The following KHDRBS2 variants were observed in gnomAD, a reference collection of about 807,000 sequenced individuals.
KHDRBS2 encodes the protein KH domain-containing, RNA-binding, signal transduction-associated protein 2.
KHDRBS2 carries 26 observed loss-of-function variants against 44.3 expected under a neutral mutation model. The observed-to-expected ratio is 0.59, with a 90% CI of 0.43 to 0.81. The LOEUF (loss-of-function observed/expected upper bound fraction) is 0.81. Ranked by LOEUF, KHDRBS2 falls within the 40% of genes least tolerant of loss-of-function variation. The pLI, the probability that KHDRBS2 is intolerant of heterozygous loss-of-function variation, is 0.00. For missense variants in KHDRBS2, 476 were observed against 433.1 expected (o/e 1.10, Z -0.88); for synonymous variants, 194 against 151.1 (o/e 1.28, Z -2.08).
intron 3 of KHDRBS2, among the ~76,000 whole-genome samples, chr6:62,023,394 T>C (rs1337431644): frequency 6.6e-6 from 1 of 151,674 alleles, no homozygotes; most frequent in Non-Finnish European, 1.5e-5. Flanking sequence ...AGCATAGATA[T>C]TCTCTAAAGC....
At chr6:61,846,972 AGT>A (rs907837887) in intron 6 of KHDRBS2, among the ~76,000 whole-genome samples, 3 of 152,110 alleles carry the variant, frequency 2.0e-5, no homozygotes, top group Admixed American at 6.5e-5. Flanking sequence ...GTGGAGAAAG[AGT>A]GTAAGTAAAT....
At chr6:61,632,111 T>C in the KHDRBS2 span, among the ~76,000 whole-genome samples, 1 of 152,206 alleles carries the variant, frequency 6.6e-6, no homozygotes, top group Non-Finnish European at 1.5e-5. Context: ...TTTTTCATCA[T>C]TATGAAAATT....
chr6:61,766,567 G>C (rs1780039310), intron 6 of KHDRBS2, among the ~76,000 whole-genome samples: 1 of 151,708 alleles, frequency 6.6e-6, no homozygotes, highest in Non-Finnish European at 1.5e-5. Flanking sequence ...CTTATTTGAA[G>C]TTTTTCTACT....
chr6:61,836,662 A>G lies in KHDRBS2; in HGVS notation c.810+57973T>C, dbSNP rs1410615968. Among the ~76,000 whole-genome samples the G allele has an allele frequency of 2.0e-5, 3 of 152,152 alleles. No homozygotes were observed. The East Asian group carries it at 5.8e-4, about 29-fold the overall frequency. ...TAGAGAAATAAAATGGATGTCTATG[A>G]TCTCTCTTCAATTATTTAGTAAGGA... On this transcript the variant is annotated intron_variant, in intron 6 of 8. Coordinates refer to ENST00000281156, the MANE Select transcript of KHDRBS2 (RefSeq NM_152688.4).
At chr6:61,574,285 A>T in the KHDRBS2 span, 1 of 1,396,932 alleles carries the variant, frequency 7.2e-7, no homozygotes, top group Admixed American at 2.0e-5. Context: ...TAACCGTGCA[A>T]AGGTAGCATG....
chr6:62,259,113 C>T lies in KHDRBS2; in HGVS notation c.91+26745G>A, dbSNP rs543844724. Among the ~76,000 whole-genome samples, 3 of 152,086 alleles carry T rather than the reference C, an allele frequency of 2.0e-5. No homozygotes were observed. In the East Asian group the frequency reaches 5.8e-4, roughly 29 times the overall value. On this transcript the variant is annotated intron_variant, in intron 1 of 8. Coordinates refer to ENST00000281156, the MANE Select transcript of KHDRBS2 (RefSeq NM_152688.4). ...AAAGAATTATGTCTATTAGAGGCAA[C>T]AGGCCAGAATAGCAAGAGTTTGTTT...
intron 1 of KHDRBS2, among the ~76,000 whole-genome samples, chr6:62,284,175 T>A (rs1842165355): frequency 6.6e-6 from 1 of 152,160 alleles, no homozygotes; most frequent in Non-Finnish European, 1.5e-5. Context: ...TGTTAAGAGT[T>A]TCTTGTATGC....
chr6:61,902,137 A>T (rs1804169604), intron 4 of KHDRBS2, among the ~76,000 whole-genome samples: 1 of 152,046 alleles, frequency 6.6e-6, no homozygotes, highest in African/African-American at 2.4e-5. Flanking sequence ...TATTTTTGGT[A>T]GAGACAGGGT....
intron 2 of KHDRBS2, among the ~76,000 whole-genome samples, chr6:62,144,512 C>CCTGTAT (rs1813528016): frequency 6.6e-6 from 1 of 151,748 alleles, no homozygotes; most frequent in African/African-American, 2.4e-5. Flanking sequence ...TACCTGTATA[C>CCTGTAT]GTAAATTCTA....
chr6:61,592,369 G>T, the KHDRBS2 span, among the ~76,000 whole-genome samples: 1 of 152,122 alleles, frequency 6.6e-6, no homozygotes, highest in Non-Finnish European at 1.5e-5. Flanking sequence ...TGGCAAAACA[G>T]GTTATGGGAG....
At chr6:62,072,173 A>ATTT (rs1164857683) in intron 2 of KHDRBS2, among the ~76,000 whole-genome samples, 2 of 152,034 alleles carry the variant, frequency 1.3e-5, no homozygotes, top group African/African-American at 4.8e-5. Context: ...AGTGCTTGTG[A>ATTT]TTTTTGCACA....
intron 1 of KHDRBS2, among the ~76,000 whole-genome samples, chr6:62,250,094 T>G (rs1836271922): frequency 1.3e-5 from 2 of 152,200 alleles, no homozygotes; most frequent in African/African-American, 2.4e-5. Flanking sequence ...GGCAATAGTC[T>G]GCTATCCAGA....
At chr6:62,205,074 T>C (rs1827711736) in intron 1 of KHDRBS2, among the ~76,000 whole-genome samples, 1 of 152,100 alleles carries the variant, frequency 6.6e-6, no homozygotes, top group Admixed American at 6.6e-5. Context: ...TTTAAAACAT[T>C]CAGATTGCCT....
At chr6:62,182,936 A>T (rs1822642664) in intron 1 of KHDRBS2, among the ~76,000 whole-genome samples, 1 of 151,864 alleles carries the variant, frequency 6.6e-6, no homozygotes, top group Non-Finnish European at 1.5e-5. Flanking sequence ...TGAATATGTG[A>T]ATCTTTACCT....
chr6:61,825,762 T>C (rs777629145), intron 6 of KHDRBS2, among the ~76,000 whole-genome samples: 6 of 152,218 alleles, frequency 3.9e-5, no homozygotes, highest in Admixed American at 2.0e-4. Context: ...CTGTTGTCTA[T>C]GTGGGCTAGG....
intron 1 of KHDRBS2, among the ~76,000 whole-genome samples, chr6:62,238,721 CACAT>C (rs933800906): frequency 4.0e-5 from 6 of 150,688 alleles, no homozygotes; most frequent in African/African-American, 1.2e-4. Flanking sequence ...CACACACACA[CACAT>C]ATATTTGAGT....
chr6:61,707,866 T>C (rs1468666068), intron 7 of KHDRBS2, among the ~76,000 whole-genome samples: 1 of 151,698 alleles, frequency 6.6e-6, no homozygotes, highest in East Asian at 1.9e-4. Flanking sequence ...AAAGATAATA[T>C]ATTCTATACG....
At chr6:61,880,150 C>T (rs767171701) in intron 6 of KHDRBS2, among the ~76,000 whole-genome samples, 2 of 151,434 alleles carry the variant, frequency 1.3e-5, no homozygotes, top group Admixed American at 6.6e-5. Context: ...AGAGGTACTC[C>T]GAATGGAAAA....
chr6:61,742,046 A>G (rs1776211330), intron 6 of KHDRBS2, among the ~76,000 whole-genome samples: 1 of 152,010 alleles, frequency 6.6e-6, no homozygotes, highest in South Asian at 2.1e-4. Context: ...AAGAGCAATA[A>G]TAATCAAGAA....
Sources: gnomAD v4.1 joint callset for allele counts (sites outside exome capture counted in the v4.1 genomes callset) on GRCh38, gnomAD v4.1.1 for gene constraint, MANE v1.5 for transcripts, NCBI Gene and HGNC (gene_info 2026-07-23, HGNC 2026-07-21) for gene names.